The following CCDC187 variants were observed in gnomAD, a reference collection of about 807,000 sequenced individuals.
CCDC187 encodes coiled-coil domain containing 187.
In CCDC187, 32 loss-of-function variants were observed where a neutral mutation model predicts 38.0. That is an observed-to-expected ratio of 0.84 (90% CI 0.64 to 1.13). The LOEUF (loss-of-function observed/expected upper bound fraction) is 1.13. Ranked by LOEUF, CCDC187 falls within the 50% of genes most tolerant of loss-of-function variation. The probability of loss-of-function intolerance (pLI) is 0.00; values close to 1 mark genes in which losing one functional copy is unlikely to be tolerated. For missense variants in CCDC187, 707 were observed against 786.8 expected, an observed-to-expected ratio of 0.90 and a Z score of 1.21; for synonymous variants, 333 against 347.9, an observed-to-expected ratio of 0.96 and a Z score of 0.48.
intron 9 of CCDC187, among the ~76,000 whole-genome samples, chr9:136,284,531 A>G (rs1831125510): frequency 6.6e-6 from 1 of 152,114 alleles, no homozygotes; most frequent in South Asian, 2.1e-4. Context: ...TGCTTCCGTC[A>G]AGGACAGAGG....
intron 9 of CCDC187, among the ~76,000 whole-genome samples, chr9:136,283,374 T>C (rs1351885136): frequency 2.6e-5 from 4 of 152,246 alleles, no homozygotes; most frequent in African/African-American, 9.6e-5. Context: ...AGAGGCTGTG[T>C]GCGCCAGCCC....
At chr9:136,260,532 T>C (rs1554760880) in intron 19 of CCDC187, among the ~76,000 whole-genome samples, 1 of 151,696 alleles carries the variant, frequency 6.6e-6, no homozygotes, top group East Asian at 1.9e-4. Flanking sequence ...GTGCACATGC[T>C]GGGCCCCCGA....
chr9:136,253,580 G>A lies in CCDC187; in HGVS notation c.*14C>T. The A allele has an allele frequency of 1.0e-6, 1 of 985,010 alleles. No homozygotes were observed. The highest frequency in any genetic ancestry group is 1.2e-6 in the Non-Finnish European group (1 of 829,476). 61.0% of individuals were successfully genotyped at this position (985,010 alleles called of 1,614,324 possible). ...GCTTCCACCCGGACCAGCCACCCCT[G>A]GGCAGAGCCCCAACTACTGGGTTCC... On this transcript the variant is annotated 3_prime_UTR_variant, in exon 26 of 26. Transcript: ENST00000638797.
In CCDC187 at chr9:136,263,747, TCCTGTCCCGGTG is replaced by T; in HGVS notation, c.3775_3786del (p.His1259_Arg1262del). The T allele has an allele frequency of 1.0e-6, 1 of 985,472 alleles. No homozygotes were observed. The highest frequency in any genetic ancestry group is 1.2e-6 in the Non-Finnish European group (1 of 829,940). The allele number at this position is 985,472 out of a possible 1,614,324, so 61.0% of individuals were successfully genotyped here. On this transcript the variant is annotated inframe_deletion, in exon 18 of 26. Coordinates refer to ENST00000638797, the MANE Select transcript of CCDC187 (RefSeq NM_001378188.1). Reference sequence around the variant, plus strand: ...TCCCTCTGATGCTGCAGAAGCAGCTTCCTGTCCCGGTGCCTGAACAGCTGCGTGTGTCTCAGG... The same window carrying T: ...TCCCTCTGATGCTGCAGAAGCAGCTTCCTGAACAGCTGCGTGTGTCTCAGG...
At chr9:136,302,555 T>G (rs1346879863) in intron 2 of CCDC187, among the ~76,000 whole-genome samples, 1 of 152,214 alleles carries the variant, frequency 6.6e-6, no homozygotes, top group Non-Finnish European at 1.5e-5. Context: ...CCTCTTCCAG[T>G]GCCACAGGCC....
chr9:136,251,898 G>GAGCC lies in CCDC187; in HGVS notation c.*1692_*1695dup, dbSNP rs1830543675. On this transcript the variant is annotated 3_prime_UTR_variant, in exon 26 of 26. Coordinates refer to ENST00000638797, the MANE Select transcript of CCDC187 (RefSeq NM_001378188.1). The stretch of plus-strand genomic sequence containing the variant: ...GGAAGGTCCAGGCGACCGTCCCGCG[G>GAGCC]AGCCGGCCGCCCACCTGGTCCACCC... The GAGCC allele has an allele frequency of 8.3e-6, 1 of 120,474 alleles. No homozygotes were observed. The highest frequency in any genetic ancestry group is 8.1e-5 in the Admixed American group (1 of 12,320). 7.5% of individuals were successfully genotyped at this position (120,474 alleles called of 1,614,324 possible).
chr9:136,289,334 G>A (rs1831254377), intron 7 of CCDC187, among the ~76,000 whole-genome samples: 1 of 151,940 alleles, frequency 6.6e-6, no homozygotes, highest in Admixed American at 6.6e-5. Context: ...CCTGGCCAAT[G>A]TGGTGAAGCC....
chr9:136,271,606 C>CTT (rs1272090795), intron 14 of CCDC187, among the ~76,000 whole-genome samples: 47 of 131,148 alleles, frequency 3.6e-4, no homozygotes, highest in East Asian at 2.8e-3. Flanking sequence ...AAGAGAAAGT[C>CTT]TTTTTTTTTT....
At position 136,258,434 on chromosome 9, in the gene CCDC187, CA is replaced by C. The variant is rs1244248061; in HGVS notation, c.4366+497del. 1.3e-5 allele frequency among the ~76,000 whole-genome samples: 2 copies of C among 152,138 alleles called. No homozygotes were observed. Among genetic ancestry groups the C allele is most frequent in the Admixed American group, 1.3e-4 (2 of 15,280 alleles). The stretch of plus-strand genomic sequence containing the variant: ...CTCCGAGGTGGCATCGCAGGGCACA[CA>C]ACCCCCCACTCTTCAGCCGGCGGCT... On this transcript the variant is annotated intron_variant, in intron 22 of 25. Transcript: ENST00000638797. The surrounding 1 kb of genome is among the most constrained non-coding windows in gnomAD (Gnocchi z 4.3).
chr9:136,271,773 A>C (rs974560441), intron 14 of CCDC187, among the ~76,000 whole-genome samples: 2 of 151,614 alleles, frequency 1.3e-5, no homozygotes, highest in African/African-American at 4.8e-5. Context: ...GCATCTGGCT[A>C]ATTTTTTGTA....
chr9:136,297,067 C>G (rs1831551740), intron 4 of CCDC187, among the ~76,000 whole-genome samples: 2 of 152,080 alleles, frequency 1.3e-5, no homozygotes, highest in African/African-American at 4.8e-5. Flanking sequence ...CTCCCTCGGC[C>G]AAGCGTGCCC....
chr9:136,293,355 A>T (rs1344959935), intron 4 of CCDC187, among the ~76,000 whole-genome samples: 9 of 138,246 alleles, frequency 6.5e-5, no homozygotes, highest in East Asian at 2.3e-4. Flanking sequence ...ACATGCTCAC[A>T]CACATTCACA....
chr9:136,281,922 A>C (rs1163506232), intron 9 of CCDC187, among the ~76,000 whole-genome samples: 4 of 152,116 alleles, frequency 2.6e-5, no homozygotes, highest in Non-Finnish European at 5.9e-5. Context: ...CATGCGTCCC[A>C]GCGTGGTGGC....
At chr9:136,298,054 G>T (rs1227013789) in intron 3 of CCDC187, among the ~76,000 whole-genome samples, 13 of 152,326 alleles carry the variant, frequency 8.5e-5, no homozygotes, top group African/African-American at 3.1e-4. Context: ...CTGCCGCTGG[G>T]GACTCCTCCT....
intron 10 of CCDC187, among the ~76,000 whole-genome samples, chr9:136,279,905 A>G (rs939616260): frequency 7.2e-6 from 1 of 138,960 alleles, no homozygotes; most frequent in African/African-American, 2.6e-5. Context: ...GAAGAGTCCC[A>G]CCCCGTCGTC....
At chr9:136,282,178 T>C (rs1831061314) in intron 9 of CCDC187, among the ~76,000 whole-genome samples, 1 of 152,202 alleles carries the variant, frequency 6.6e-6, no homozygotes, top group Non-Finnish European at 1.5e-5. Flanking sequence ...GCATCAGCTG[T>C]GACCCTCACC....
intron 25 of CCDC187, among the ~76,000 whole-genome samples, chr9:136,255,433 C>G (rs1331692397): frequency 1.3e-5 from 2 of 152,148 alleles, no homozygotes; most frequent in African/African-American, 4.8e-5. Context: ...GTTTTATTTT[C>G]ATTAGGGATG....
At position 136,293,508 on chromosome 9, in the gene CCDC187, AAC is replaced by A. The variant is rs1209814954; in HGVS notation, c.833-1215_833-1214del. 4.2e-3 allele frequency among the ~76,000 whole-genome samples: 388 copies of A among 91,770 alleles called. 2 individuals carry two copies. Among genetic ancestry groups the A allele is most frequent in the Non-Finnish European group, 7.1e-3 (328 of 45,904 alleles). The allele number at this position is 91,770 out of a possible 152,430, so 60.2% of individuals were successfully genotyped here. A position where few individuals can be genotyped will look rare whatever the true frequency, so the allele number is the denominator to read the frequency against. ...ACAAACACATGCTCACACACTCACA[AAC>A]ACACATGCTCACATACACGCTTACA... On this transcript the variant is annotated intron_variant, in intron 4 of 25. Transcript: ENST00000638797.
At chr9:136,293,336 CTCACACTCACATGCTCACACACAT>C (rs1831403647) in intron 4 of CCDC187, among the ~76,000 whole-genome samples, 1 of 150,032 alleles carries the variant, frequency 6.7e-6, no homozygotes, top group African/African-American at 2.5e-5. Context: ...TGCTTACACA[CTCACACTCACATGCTCACACACAT>C]TCACATGCTC....
Sources: gnomAD v4.1 joint callset for allele counts (sites outside exome capture counted in the v4.1 genomes callset) on GRCh38, gnomAD v4.1.1 for gene constraint, Gnocchi (gnomAD v3.1) non-coding constraint, MANE v1.5 for transcripts, NCBI Gene and HGNC (gene_info 2026-07-23, HGNC 2026-07-21) for gene names.